Variants in DYNC1I1 observed in about 807,000 individuals in gnomAD.
DYNC1I1 encodes the protein cytoplasmic dynein 1 intermediate chain 1.
A neutral mutation model predicts 86.6 loss-of-function variants in DYNC1I1; 43 were observed. The observed-to-expected ratio is 0.50, with a 90% CI of 0.39 to 0.64. The LOEUF is 0.64. DYNC1I1 is among the 30% of genes least tolerant of loss of function. The probability of loss-of-function intolerance (pLI) is 0.00; values close to 1 mark genes in which losing one functional copy is unlikely to be tolerated. For synonymous variants in DYNC1I1, 262 were observed against 283.7 expected, an observed-to-expected ratio of 0.92 and a Z score of 0.77; for missense variants, 604 against 788.8, an observed-to-expected ratio of 0.77 and a Z score of 2.81.
At chr7:95,820,867 C>G (rs999207164) in intron 4 of DYNC1I1, among the ~76,000 whole-genome samples, 1 of 152,262 alleles carries the variant, frequency 6.6e-6, no homozygotes, top group South Asian at 2.1e-4. Context: ...CATGGGCCAT[C>G]ATGGCCGGCC....
chr7:95,823,666 A>G (rs1212765305), intron 4 of DYNC1I1, among the ~76,000 whole-genome samples: 1 of 152,014 alleles, frequency 6.6e-6, no homozygotes, highest in Non-Finnish European at 1.5e-5. Flanking sequence ...CTCTAGTCCC[A>G]AAGATACTGC....
intron 6 of DYNC1I1, among the ~76,000 whole-genome samples, chr7:95,970,500 G>T (rs945659076): frequency 2.6e-5 from 4 of 152,172 alleles, no homozygotes; most frequent in African/African-American, 9.7e-5. Context: ...GAAGAGAGAA[G>T]TGTGGCTTTA....
chr7:95,792,181 C>T (rs1255628085), intron 1 of DYNC1I1, among the ~76,000 whole-genome samples: 1 of 152,170 alleles, frequency 6.6e-6, no homozygotes, highest in Non-Finnish European at 1.5e-5. Flanking sequence ...ATCACATTAA[C>T]AGAGTGTAGT....
chr7:96,100,903 A>G (rs190092445), downstream of DYNC1I1, among the ~76,000 whole-genome samples: 52 of 152,294 alleles, frequency 3.4e-4, no homozygotes, highest in African/African-American at 1.2e-3. Context: ...GTTATGTTAC[A>G]TAGGAACACC....
In DYNC1I1 at chr7:96,076,194, C is replaced by T. The variant is rs199625445; in HGVS notation, c.1647C>T (p.Thr549=). 3.7e-6 allele frequency: 6 copies of T among 1,613,910 alleles called. No homozygotes were observed. The highest frequency in any genetic ancestry group is 1.1e-5 in the South Asian group (1 of 91,064). Residue 549 remains threonine (T), a synonymous_variant, in exon 15 of 17, where the codon ACC becomes ACT. Transcript: ENST00000447467. Reference sequence around the variant, plus strand: ...ACCTCTGGAACCTCAACAATGACACCGAGGTGAGCGGCGGCTCAGGCGCCC... The same window carrying T: ...ACCTCTGGAACCTCAACAATGACACTGAGGTGAGCGGCGGCTCAGGCGCCC... ...RLDLWNLNND[T]EVPTASVAIE...
intron 3 of DYNC1I1, 65 bp from the exon 4 acceptor site, chr7:95,813,182 C>G: frequency 2.5e-6 from 4 of 1,608,512 alleles, no homozygotes; most frequent in Non-Finnish European, 3.4e-6. Context: ...TTGTCTGACA[C>G]TGCTCTTCAC....
intron 6 of DYNC1I1, among the ~76,000 whole-genome samples, chr7:95,954,933 A>AAAAAAAAAAAAAAAAAAAAT (rs1792668720): frequency 6.7e-6 from 1 of 149,450 alleles, no homozygotes; most frequent in African/African-American, 2.5e-5. Context: ...AAAAAAAAAA[A>AAAAAAAAAAAAAAAAAAAAT]AAAAAGATAT....
At chr7:95,897,019 G>C (rs1365811721) in intron 6 of DYNC1I1, among the ~76,000 whole-genome samples, 3 of 152,180 alleles carry the variant, frequency 2.0e-5, no homozygotes, top group African/African-American at 7.2e-5. Flanking sequence ...TTTATCTGTA[G>C]TTTATCAGTG....
chr7:95,828,804 A>G (rs1344376595), intron 5 of DYNC1I1, among the ~76,000 whole-genome samples: 2 of 152,148 alleles, frequency 1.3e-5, no homozygotes, highest in Non-Finnish European at 2.9e-5. Context: ...AACTCAATTT[A>G]TTTCCGTTGT....
chr7:96,065,569 G>A (rs1483721747), intron 14 of DYNC1I1, among the ~76,000 whole-genome samples: 2 of 151,832 alleles, frequency 1.3e-5, no homozygotes, highest in African/African-American at 4.8e-5. Context: ...TGTTTGTTTT[G>A]TACAGACAGG....
intron 6 of DYNC1I1, among the ~76,000 whole-genome samples, chr7:95,931,696 C>T (rs530190741): frequency 7.2e-4 from 110 of 152,330 alleles, no homozygotes; most frequent in African/African-American, 2.6e-3. Flanking sequence ...TCCCTGGCTG[C>T]TGTCACACTG....
At chr7:96,074,288 G>A (rs1013134300) in intron 14 of DYNC1I1, among the ~76,000 whole-genome samples, 1 of 152,070 alleles carries the variant, frequency 6.6e-6, no homozygotes, top group Admixed American at 6.5e-5. Flanking sequence ...GGTGGCTCAC[G>A]CCTGTAATCC....
chr7:95,869,366 C>G (rs1790100254), intron 5 of DYNC1I1, among the ~76,000 whole-genome samples: 1 of 152,180 alleles, frequency 6.6e-6, no homozygotes, highest in Non-Finnish European at 1.5e-5. Flanking sequence ...ACATGCTAAT[C>G]TGTGTTAGTT....
chr7:95,895,100 A>C (rs1790846634), intron 6 of DYNC1I1, among the ~76,000 whole-genome samples: 1 of 152,200 alleles, frequency 6.6e-6, no homozygotes, highest in African/African-American at 2.4e-5. Flanking sequence ...CAGACAACCT[A>C]ACAGTGACCA....
At chr7:95,785,301 C>T (rs879885633) in intron 1 of DYNC1I1, among the ~76,000 whole-genome samples, 1 of 152,114 alleles carries the variant, frequency 6.6e-6, no homozygotes, top group African/African-American at 2.4e-5. Context: ...GTGGTCCCAG[C>T]TACTTAGGAG....
At chr7:95,969,416 G>T (rs1858918) in intron 6 of DYNC1I1, among the ~76,000 whole-genome samples, 1 of 152,138 alleles carries the variant, frequency 6.6e-6, no homozygotes, top group Admixed American at 6.5e-5. Flanking sequence ...CTAGGAAATA[G>T]GGAGCCATTA....
At chr7:95,993,435 C>G (rs1234958901) in intron 9 of DYNC1I1, among the ~76,000 whole-genome samples, 3 of 152,164 alleles carry the variant, frequency 2.0e-5, no homozygotes, top group African/African-American at 7.2e-5. Context: ...TCTAGCTGCT[C>G]CTTAGCCCCT....
chr7:95,852,256 A>T (rs1160794200), intron 5 of DYNC1I1, among the ~76,000 whole-genome samples: 2 of 152,068 alleles, frequency 1.3e-5, no homozygotes, highest in East Asian at 1.9e-4. Flanking sequence ...ATGTCAAGGA[A>T]TTTATCCATT....
chr7:95,985,012 G>T (rs768234520), intron 8 of DYNC1I1, 35 bp downstream of exon 8: 116 of 1,597,250 alleles, frequency 7.3e-5, no homozygotes, highest in Non-Finnish European at 9.3e-5. Context: ...AAAAAATAGC[G>T]TAAGTTATCT....
Sources: allele counts gnomAD v4.1 joint callset (sites outside exome capture counted in the v4.1 genomes callset), GRCh38; gene constraint gnomAD v4.1.1; transcripts MANE v1.5; gene names NCBI Gene and HGNC (gene_info 2026-07-23, HGNC 2026-07-21).